The following CKAP5 variants were observed in gnomAD, a reference collection of about 807,000 sequenced individuals.
The protein encoded by CKAP5 is cytoskeleton-associated protein 5.
CKAP5 carries 27 observed loss-of-function variants against 232.8 expected under a neutral mutation model. That is an observed-to-expected ratio of 0.12 (90% CI 0.09 to 0.16). The LOEUF is 0.16. CKAP5 is among the 10% of genes least tolerant of loss of function. CKAP5 has a pLI of 1.00. For missense variants in CKAP5, 1,838 were observed against 2,424.7 expected (o/e 0.76, Z 5.08); for synonymous variants, 785 against 841.1 (o/e 0.93, Z 1.16).
chr11:46,769,921 G>A (rs1303051502), intron 26 of CKAP5, 42 bp downstream of exon 26: 1 of 1,608,004 alleles, frequency 6.2e-7, no homozygotes, highest in East Asian at 2.2e-5. Flanking sequence ...GAGTTCCTCA[G>A]GGCTATTTCC....
intron 24 of CKAP5, among the ~76,000 whole-genome samples, chr11:46,773,877 T>C (rs541465247): frequency 1.6e-4 from 25 of 152,270 alleles, no homozygotes; most frequent in African/African-American, 6.0e-4. Flanking sequence ...CCTCTGATTT[T>C]AATTAGAGCT....
In CKAP5 at chr11:46,759,019, G is replaced by C; in HGVS notation, c.4593C>G (p.Phe1531Leu). The change falls in exon 35 of 44, where the codon TTC becomes TTG. Residue 1531 changes from phenylalanine (F) to leucine (L), a missense_variant. By Grantham distance (22) the Phe-to-Leu change is conservative. Transcript: ENST00000529230. Reference sequence around the variant, plus strand: ...ATGCTGTATTACTGTGCATGTCATCGAAGTGTGGAGAAACAGCCCGGATCC... The same window carrying C: ...ATGCTGTATTACTGTGCATGTCATCCAAGTGTGGAGAAACAGCCCGGATCC... ...EPKIRAVSPH[F>L]DDMHSNTAST... The C allele has an allele frequency of 6.2e-7, 1 of 1,612,882 alleles. No individual in the cohort carries two copies. Among genetic ancestry groups the C allele is most frequent in the South Asian group, 1.1e-5 (1 of 91,014 alleles).
Position 46,830,185 on chromosome 11 carries a change from C to T in CKAP5, c.-37-8917G>A, listed in dbSNP as rs1474277659. Among the ~76,000 whole-genome samples, 3 of 151,836 alleles carry T rather than the reference C, an allele frequency of 2.0e-5. No individual in the cohort carries two copies. In the East Asian group the frequency reaches 5.8e-4, roughly 29 times the overall value. Reference sequence around the variant, plus strand: ...GGCCGGGCACGGTGGCTCACGCCTGCAATCCCAGAACTTTGGGAGTCCAAG... The same window carrying T: ...GGCCGGGCACGGTGGCTCACGCCTGTAATCCCAGAACTTTGGGAGTCCAAG... On this transcript the variant is annotated intron_variant, in intron 1 of 43. Transcript: ENST00000529230.
At chr11:46,771,160 T>C (rs750723545) in intron 24 of CKAP5, among the ~76,000 whole-genome samples, 178 bp from the exon 25 acceptor site, 3 of 152,230 alleles carry the variant, frequency 2.0e-5, no homozygotes, top group Non-Finnish European at 4.4e-5. Context: ...AAATAACATA[T>C]GCAATGATGA....
intron 36 of CKAP5, 42 bp from the exon 37 acceptor site, chr11:46,753,539 A>G: frequency 7.0e-7 from 1 of 1,419,094 alleles, no homozygotes; most frequent in Non-Finnish European, 9.7e-7. Flanking sequence ...AAAACTCAAT[A>G]TAGAGAGTAA....
At chr11:46,805,408 G>T (rs1939130903) in intron 8 of CKAP5, among the ~76,000 whole-genome samples, 1 of 151,856 alleles carries the variant, frequency 6.6e-6, no homozygotes, top group African/African-American at 2.4e-5. Context: ...TTCATTAAAG[G>T]AAAAAAATTG....
At chr11:46,783,601 T>G (rs1239343757) in intron 17 of CKAP5, among the ~76,000 whole-genome samples, 1 of 151,466 alleles carries the variant, frequency 6.6e-6, no homozygotes, top group East Asian at 1.9e-4. Flanking sequence ...TATAATGTTT[T>G]TTTTTTTTTT....
At position 46,791,998 on chromosome 11, in the gene CKAP5, A is replaced by C. The variant is rs77234969; in HGVS notation, c.1651-1415T>G. Among the ~76,000 whole-genome samples the C allele has an allele frequency of 1.5e-3, 224 of 152,352 alleles. 3 individuals carry two copies. In the East Asian group the frequency reaches 0.034, roughly 23 times the overall value. On this transcript the variant is annotated intron_variant, in intron 13 of 43. Coordinates refer to ENST00000529230, the MANE Select transcript of CKAP5 (RefSeq NM_001008938.4). ...TGTATTTAGCAAAACTAAGGATACTAGTTTTTAACTAAATGGAAACCTGTA... is the reference window on the plus strand; with the variant it reads ...TGTATTTAGCAAAACTAAGGATACTCGTTTTTAACTAAATGGAAACCTGTA...
Position 46,818,431 on chromosome 11 carries a change from G to A in CKAP5, c.130C>T (p.Pro44Ser). Reference protein sequence around the residue: ...IFQKIKDEKSPEWSKFLGLIK... With the variant: ...IFQKIKDEKSSEWSKFLGLIK... ...AATCCTAAAAATTTGGACCACTCTGGGCTCTTTTCATCCTTTATTTTCTGG... is the reference window on the plus strand; with the variant it reads ...AATCCTAAAAATTTGGACCACTCTGAGCTCTTTTCATCCTTTATTTTCTGG... The change falls in exon 3 of 44, where the codon CCA becomes TCA. Residue 44 changes from proline (P) to serine (S), a missense_variant. This residue lies in a region of CKAP5 where 285 missense variants were observed against 300.0 expected (regional missense o/e 0.95). Coordinates refer to ENST00000529230, the MANE Select transcript of CKAP5 (RefSeq NM_001008938.4). 6.2e-7 allele frequency: 1 copy of A among 1,610,254 alleles called. No individual in the cohort carries two copies.
Position 46,778,604 on chromosome 11 carries a change from A to T in CKAP5, c.2434-5T>A. On this transcript the variant is annotated splice_polypyrimidine_tract_variant and splice_region_variant and intron_variant, in intron 20 of 43. Transcript: ENST00000529230. Reference sequence around the variant, plus strand: ...AGGTGGACTTTGTCCCTGCATCTATACACAAATGAATGAGTAAGGCTAATG... The same window carrying T: ...AGGTGGACTTTGTCCCTGCATCTATTCACAAATGAATGAGTAAGGCTAATG... 3 of 1,612,958 alleles carry T rather than the reference A, an allele frequency of 1.9e-6. No homozygotes were observed. Among genetic ancestry groups the T allele is most frequent in the Non-Finnish European group, 2.5e-6 (3 of 1,179,232 alleles).
rs1470853522 is a variant in CKAP5, at chr11:46,754,967, T to C, written c.4790A>G (p.Asn1597Ser). Residue 1597 changes from asparagine to serine, a missense_variant, in exon 36 of 44, where the codon AAC becomes AGC. Around this residue, in one of 6 missense-constraint regions of CKAP5, gnomAD observed 579 missense variants for 843.2 expected, o/e 0.69. Transcript: ENST00000529230. Reference sequence around the variant, plus strand: ...CAATTTCTCATCTGCCATGTGTGTGTTGTAGATGAGTCTTAGCTGCATAAA... The same window carrying C: ...CAATTTCTCATCTGCCATGTGTGTGCTGTAGATGAGTCTTAGCTGCATAAA... ...ATFMQLRLIYNTHMADEKLEK... is the reference protein window; with the variant it reads ...ATFMQLRLIYSTHMADEKLEK... 3 of 1,614,014 alleles carry C rather than the reference T, an allele frequency of 1.9e-6. No individual in the cohort carries two copies. In the South Asian group the frequency reaches 3.3e-5, roughly 18 times the overall value.
intron 35 of CKAP5, among the ~76,000 whole-genome samples, chr11:46,756,428 T>C (rs1229142049): frequency 6.6e-6 from 1 of 151,970 alleles, no homozygotes; most frequent in African/African-American, 2.4e-5. Flanking sequence ...GTTGAAAGGG[T>C]AGTAAAGGAA....
At chr11:46,794,248 G>C (rs1938814327) in intron 13 of CKAP5, among the ~76,000 whole-genome samples, 1 of 152,134 alleles carries the variant, frequency 6.6e-6, no homozygotes, top group Admixed American at 6.6e-5. Flanking sequence ...ATTGAGCCTA[G>C]GAGTTTGAGA....
At chr11:46,744,753 A>T (rs1275115822) in intron 42 of CKAP5, among the ~76,000 whole-genome samples, 176 bp from the exon 43 acceptor site, 1 of 152,166 alleles carries the variant, frequency 6.6e-6, no homozygotes, top group Non-Finnish European at 1.5e-5. Context: ...ATACAATATA[A>T]GCTTCTTGAG....
At chr11:46,783,434 T>G in intron 17 of CKAP5, 66 bp from the exon 18 acceptor site, 1 of 1,000,608 alleles carries the variant, frequency 1.0e-6, no homozygotes, top group Non-Finnish European at 1.5e-6. Context: ...CAGCATGACA[T>G]TAAGGCAGAT....
In CKAP5 at chr11:46,777,510, T is replaced by C. The variant is rs1416112191; in HGVS notation, c.2791A>G (p.Met931Val). The change falls in exon 23 of 44, where the codon ATG becomes GTG. Residue 931 changes from methionine to valine, a missense_variant. Met to Val is a conservative substitution (Grantham distance 21). Coordinates refer to ENST00000529230, the MANE Select transcript of CKAP5 (RefSeq NM_001008938.4). ...ACATGTTGCTTAATATTTGGGCCCA[T>C]GGCTACTGCCAGTTGTTGCAGGATA... is the stretch of plus-strand genomic sequence containing the variant. ...LNILQQLAVA[M>V]GPNIKQHVKN... 2 of 1,612,992 alleles carry C rather than the reference T, an allele frequency of 1.2e-6. No individual in the cohort carries two copies. The highest frequency in any genetic ancestry group is 1.7e-5 in the Admixed American group (1 of 59,998).
chr11:46,822,741 CAAAAAAA>C lies in CKAP5; in HGVS notation c.-37-1480_-37-1474del, dbSNP rs57170422. On this transcript the variant is annotated intron_variant, in intron 1 of 43. Coordinates refer to ENST00000529230, the MANE Select transcript of CKAP5 (RefSeq NM_001008938.4). ...CCAGCCTGGGCAACAGACTCCGTCC[CAAAAAAA>C]AAAAAAAAAAAAAAAAGAAAGAAAA... Among the ~76,000 whole-genome samples the C allele has an allele frequency of 1.7e-4, 13 of 77,850 alleles. 1 individual carries two copies. Among genetic ancestry groups the C allele is most frequent in the African/African-American group, 5.0e-4 (10 of 20,008 alleles). 51.1% of individuals were successfully genotyped at this position (77,850 alleles called of 152,430 possible).
At chr11:46,770,267 G>A in intron 25 of CKAP5, 169 bp from the exon 26 acceptor site, 1 of 666,060 alleles carries the variant, frequency 1.5e-6, no homozygotes, top group Non-Finnish European at 2.6e-6. Context: ...ACATTATGAA[G>A]TCACACTAAG....
chr11:46,826,287 C>T (rs1375234126), intron 1 of CKAP5, among the ~76,000 whole-genome samples: 1 of 152,112 alleles, frequency 6.6e-6, no homozygotes, highest in Non-Finnish European at 1.5e-5. Context: ...CCAACACAGG[C>T]CTCTGGAGAG....
Sources: allele counts gnomAD v4.1 joint callset (sites outside exome capture counted in the v4.1 genomes callset), GRCh38; gene constraint gnomAD v4.1.1; regional missense constraint gnomAD v4.1.1; transcripts MANE v1.5; gene names NCBI Gene and HGNC (gene_info 2026-07-23, HGNC 2026-07-21).